DCDC2C: variants seen among roughly 807,000 people sequenced by gnomAD.
The protein encoded by DCDC2C is doublecortin domain-containing protein 2C.
DCDC2C carries 44 observed loss-of-function variants against 45.0 expected under a neutral mutation model. The observed-to-expected ratio is 0.98, with a 90% CI of 0.77 to 1.26. DCDC2C has a LOEUF of 1.26. Ranked by LOEUF, DCDC2C falls within the 50% of genes most tolerant of loss-of-function variation. The probability of loss-of-function intolerance (pLI) is 0.00; values close to 1 mark genes in which losing one functional copy is unlikely to be tolerated. For synonymous variants in DCDC2C, 187 were observed against 178.8 expected (o/e 1.05, Z -0.37); for missense variants, 447 against 468.9 (o/e 0.95, Z 0.43).
intron 6 of DCDC2C, among the ~76,000 whole-genome samples, chr2:3,757,562 G>T (rs1463175025): frequency 6.6e-6 from 1 of 152,192 alleles, no homozygotes; most frequent in African/African-American, 2.4e-5. Flanking sequence ...CAGGATATCA[G>T]GCCGGAATGG....
At chr2:3,806,437 G>A (rs1248586799) in intron 10 of DCDC2C, among the ~76,000 whole-genome samples, 2 of 152,190 alleles carry the variant, frequency 1.3e-5, no homozygotes, top group Non-Finnish European at 2.9e-5. Flanking sequence ...GTGAGTGCCC[G>A]CGTTGTATGA....
chr2:3,735,407 C>G (rs1169198780), intron 3 of DCDC2C, among the ~76,000 whole-genome samples: 2 of 152,004 alleles, frequency 1.3e-5, no homozygotes, highest in Non-Finnish European at 2.9e-5. Flanking sequence ...AAAGCTATCC[C>G]TCCCCTGCCC....
chr2:3,770,553 C>T (rs563370708), intron 8 of DCDC2C, among the ~76,000 whole-genome samples: 45 of 152,284 alleles, frequency 3.0e-4, no homozygotes, highest in African/African-American at 9.9e-4. Flanking sequence ...TAAAAGATTT[C>T]ATTTTCTTCG....
At chr2:3,822,751 G>A (rs1671724624) in intron 10 of DCDC2C, among the ~76,000 whole-genome samples, 1 of 151,776 alleles carries the variant, frequency 6.6e-6, no homozygotes, top group South Asian at 2.1e-4. Flanking sequence ...TTTTTAATAT[G>A]GCATTTAAAG....
intron 10 of DCDC2C, among the ~76,000 whole-genome samples, chr2:3,792,376 C>T (rs1670836279): frequency 6.6e-6 from 1 of 152,100 alleles, no homozygotes; most frequent in Admixed American, 6.5e-5. Context: ...TTCTGTTGGC[C>T]TCAGGTTGGC....
At chr2:3,750,970 T>C (rs1669526725) in intron 4 of DCDC2C, among the ~76,000 whole-genome samples, 1 of 152,220 alleles carries the variant, frequency 6.6e-6, no homozygotes, top group African/African-American at 2.4e-5. Flanking sequence ...AACAGCAGCT[T>C]GCACCTGCTC....
intron 6 of DCDC2C, among the ~76,000 whole-genome samples, chr2:3,755,977 C>T (rs1208067081): frequency 4.6e-5 from 7 of 151,256 alleles, no homozygotes; most frequent in Admixed American, 4.6e-4. Context: ...TGGATGCATA[C>T]ATGGGTATTC....
At chr2:3,778,736 C>T in intron 8 of DCDC2C, 80 bp from the exon 9 acceptor site, 4 of 1,364,600 alleles carry the variant, frequency 2.9e-6, no homozygotes, top group Non-Finnish European at 3.1e-6. Context: ...TAGAAGGTCG[C>T]ACTATTTCAC....
intron 2 of DCDC2C, among the ~76,000 whole-genome samples, chr2:3,718,043 G>T (rs1275783534): frequency 1.3e-5 from 2 of 152,202 alleles, no homozygotes; most frequent in Non-Finnish European, 2.9e-5. Flanking sequence ...GTAATTGCTT[G>T]TTGACTTGTC....
At chr2:3,723,142 G>A (rs188242655) in intron 2 of DCDC2C, among the ~76,000 whole-genome samples, 15 of 152,126 alleles carry the variant, frequency 9.9e-5, no homozygotes, top group African/African-American at 3.1e-4. Context: ...TCCATTATTC[G>A]TTTGTCTTCA....
At chr2:3,757,597 TC>T (rs1447149974) in intron 6 of DCDC2C, among the ~76,000 whole-genome samples, 2 of 152,200 alleles carry the variant, frequency 1.3e-5, no homozygotes, top group South Asian at 2.1e-4. Context: ...CATCTGGTCG[TC>T]CATGAGGCCG....
intron 2 of DCDC2C, among the ~76,000 whole-genome samples, chr2:3,713,129 T>C (rs1668261108): frequency 6.6e-6 from 1 of 152,196 alleles, no homozygotes; most frequent in Non-Finnish European, 1.5e-5. Flanking sequence ...CTCCCACTCT[T>C]TTCCCAGGAA....
chr2:3,836,654 A>G (rs1303506004), intron 10 of DCDC2C, among the ~76,000 whole-genome samples: 1 of 152,162 alleles, frequency 6.6e-6, no homozygotes, highest in Non-Finnish European at 1.5e-5. Flanking sequence ...CAAGGTCAGG[A>G]GATTGAGAAC....
chr2:3,839,998 C>T (rs1672171788), intron 10 of DCDC2C, among the ~76,000 whole-genome samples: 1 of 152,188 alleles, frequency 6.6e-6, no homozygotes, highest in Admixed American at 6.5e-5. Context: ...TTCGCAATAC[C>T]TGAAATCAAG....
At chr2:3,772,539 C>T (rs185945187) in intron 8 of DCDC2C, among the ~76,000 whole-genome samples, 14 of 152,246 alleles carry the variant, frequency 9.2e-5, no homozygotes, top group African/African-American at 2.6e-4. Context: ...AAATGGAGCA[C>T]GGCCTCACTG....
chr2:3,770,760 G>A (rs74451841), intron 8 of DCDC2C, among the ~76,000 whole-genome samples: 15,429 of 152,284 alleles, frequency 0.1, 1,067 homozygotes, highest in East Asian at 0.3. Context: ...CGTGTGACAA[G>A]CACTGTTGTC....
At chr2:3,746,814 C>A (rs1208298581) in intron 4 of DCDC2C, among the ~76,000 whole-genome samples, 1 of 152,104 alleles carries the variant, frequency 6.6e-6, no homozygotes, top group Non-Finnish European at 1.5e-5. Context: ...TGGGGGAGTT[C>A]TCAGAGCAGA....
chr2:3,752,624 G>A, intron 4 of DCDC2C, 139 bp from the exon 5 acceptor site: 1 of 1,033,210 alleles, frequency 9.7e-7, no homozygotes. Context: ...TGGCCCGTTT[G>A]GATAACACGT....
At chr2:3,834,455 G>A (rs1364918812) in intron 10 of DCDC2C, among the ~76,000 whole-genome samples, 3 of 152,164 alleles carry the variant, frequency 2.0e-5, no homozygotes, top group South Asian at 2.1e-4. Context: ...ATCATACAGT[G>A]TGTACCTTTC....
Sources: allele counts gnomAD v4.1 joint callset (sites outside exome capture counted in the v4.1 genomes callset), GRCh38; gene constraint gnomAD v4.1.1; transcripts MANE v1.5; gene names NCBI Gene and HGNC (gene_info 2026-07-23, HGNC 2026-07-21).